MYO5B: variants seen among roughly 807,000 people sequenced by gnomAD.
MYO5B encodes unconventional myosin-Vb.
MYO5B carries 143 observed loss-of-function variants against 229.3 expected under a neutral mutation model. The observed-to-expected ratio is 0.62, with a 90% CI of 0.54 to 0.72. The LOEUF (loss-of-function observed/expected upper bound fraction) is 0.72. Among genes scored for constraint, MYO5B ranks in the 30% least tolerant of loss-of-function variants. MYO5B has a pLI of 0.00. For synonymous variants in MYO5B, 918 were observed against 885.2 expected (o/e 1.04, Z -0.66); for missense variants, 2,321 against 2,331.0 (o/e 1.00, Z 0.09).
At chr18:49,843,135 C>T in intron 34 of MYO5B, 106 bp downstream of exon 34, 1 of 1,434,728 alleles carries the variant, frequency 7.0e-7, no homozygotes. Context: ...AAGTTGGAGC[C>T]CTAGGAGCAT....
intron 14 of MYO5B, among the ~76,000 whole-genome samples, chr18:49,941,511 G>A (rs1333944301): frequency 6.6e-6 from 1 of 152,188 alleles, no homozygotes; most frequent in Non-Finnish European, 1.5e-5. Flanking sequence ...GAGATAAAGA[G>A]ACAAATCCCT....
intron 12 of MYO5B, among the ~76,000 whole-genome samples, chr18:49,959,678 C>T (rs192290743): frequency 6.6e-6 from 1 of 152,202 alleles, no homozygotes; most frequent in East Asian, 1.9e-4. Flanking sequence ...TGATACAGCG[C>T]CTGGGCTTCA....
chr18:50,147,081 G>A lies in MYO5B; in HGVS notation c.27+47686C>T, dbSNP rs113495238. Among the ~76,000 whole-genome samples, 1,148 of 152,196 alleles carry A rather than the reference G, an allele frequency of 7.5e-3. 16 individuals carry two copies. The highest frequency in any genetic ancestry group is 0.026 in the African/African-American group (1,089 of 41,510). ...TTTCCATTTCAACCTGATCCCTCATGAATCCCTAACCCTTATTTCCAGCCT... is the reference window on the plus strand; with the variant it reads ...TTTCCATTTCAACCTGATCCCTCATAAATCCCTAACCCTTATTTCCAGCCT... On this transcript the variant is annotated intron_variant, in intron 1 of 39. Transcript: ENST00000285039.
intron 14 of MYO5B, 55 bp from the exon 15 acceptor site, chr18:49,937,452 T>G: frequency 6.3e-7 from 1 of 1,591,566 alleles, no homozygotes; most frequent in Non-Finnish European, 8.6e-7. Flanking sequence ...ACCTTACATG[T>G]TTCCTCTCAA....
chr18:49,827,120 G>T (rs1179856558), intron 39 of MYO5B, among the ~76,000 whole-genome samples: 3 of 152,250 alleles, frequency 2.0e-5, no homozygotes, highest in African/African-American at 7.2e-5. Flanking sequence ...AAGCTACCTT[G>T]AAGTAGAAAC....
At chr18:49,938,860 C>G (rs1055132327) in intron 14 of MYO5B, among the ~76,000 whole-genome samples, 18 of 152,052 alleles carry the variant, frequency 1.2e-4, no homozygotes, top group African/African-American at 2.4e-5. Flanking sequence ...AAGGTTGAGC[C>G]CTGCCCCTCC....
At chr18:49,841,319 T>C (rs758365402) in intron 35 of MYO5B, 46 bp downstream of exon 35, 31 of 1,572,046 alleles carry the variant, frequency 2.0e-5, no homozygotes, top group Non-Finnish European at 2.4e-5. Context: ...TCAACCACAT[T>C]TGGATGAAGC....
At chr18:49,849,546 C>T in intron 32 of MYO5B, 21 bp downstream of exon 32, 2 of 1,560,140 alleles carry the variant, frequency 1.3e-6, no homozygotes, top group Non-Finnish European at 1.8e-6. Context: ...TCACAAAACA[C>T]ACTCACTCAC....
intron 1 of MYO5B, among the ~76,000 whole-genome samples, chr18:50,153,327 C>A (rs2032628879): frequency 6.6e-6 from 1 of 152,170 alleles, no homozygotes; most frequent in Non-Finnish European, 1.5e-5. Context: ...TAGGAAGGAT[C>A]CCCTGTGCAA....
intron 1 of MYO5B, among the ~76,000 whole-genome samples, chr18:50,129,818 C>T (rs890418441): frequency 7.2e-5 from 11 of 152,192 alleles, no homozygotes; most frequent in African/African-American, 2.4e-4. Flanking sequence ...GGGACTAGTA[C>T]AGGAGCCTCC....
At chr18:49,965,455 T>TCA (rs57101973) in intron 10 of MYO5B, among the ~76,000 whole-genome samples, 4,670 of 146,998 alleles carry the variant, frequency 0.032, 133 homozygotes, top group African/African-American at 0.078. Context: ...ACACTTCTTT[T>TCA]CACACACACA....
chr18:50,080,449 C>A (rs993395443), intron 1 of MYO5B, among the ~76,000 whole-genome samples: 4 of 152,140 alleles, frequency 2.6e-5, no homozygotes, highest in Admixed American at 6.5e-5. Flanking sequence ...TTTCAATGCT[C>A]TTGACATATG....
intron 26 of MYO5B, 95 bp from the exon 27 acceptor site, chr18:49,872,327 G>T: frequency 1.6e-6 from 2 of 1,222,060 alleles, no homozygotes; most frequent in Non-Finnish European, 1.2e-6. Context: ...CATCCTGCCT[G>T]TGCGTGAATA....
intron 1 of MYO5B, among the ~76,000 whole-genome samples, chr18:50,097,022 C>T (rs764133107): frequency 6.6e-6 from 1 of 152,240 alleles, no homozygotes; most frequent in Non-Finnish European, 1.5e-5. Context: ...GAAACCAACA[C>T]TGCAGCATGC....
intron 1 of MYO5B, among the ~76,000 whole-genome samples, chr18:50,135,174 A>G (rs983455794): frequency 6.6e-6 from 1 of 152,216 alleles, no homozygotes; most frequent in Non-Finnish European, 1.5e-5. Context: ...TATTCCTGAG[A>G]CCATCTCCCA....
At chr18:49,887,782 G>A (rs2144119295) in intron 22 of MYO5B, among the ~76,000 whole-genome samples, 1 of 152,262 alleles carries the variant, frequency 6.6e-6, no homozygotes, top group South Asian at 2.1e-4. Flanking sequence ...CCGAGTTCAA[G>A]CAATTCTCCT....
At chr18:49,968,283 GAA>G (rs1212784932) in intron 10 of MYO5B, among the ~76,000 whole-genome samples, 4 of 152,204 alleles carry the variant, frequency 2.6e-5, no homozygotes, top group Non-Finnish European at 5.9e-5. Context: ...AGCTGGGGAG[GAA>G]AAGAGTTTTT....
intron 1 of MYO5B, among the ~76,000 whole-genome samples, chr18:50,169,996 T>C (rs77291098): frequency 0.027 from 3,457 of 127,456 alleles, 968 homozygotes; most frequent in African/African-American, 0.097. Flanking sequence ...GTCGATGTCA[T>C]GGTAGTAGGG....
intron 1 of MYO5B, among the ~76,000 whole-genome samples, chr18:50,081,976 T>C (rs536718624): frequency 2.1e-4 from 32 of 152,374 alleles, no homozygotes; most frequent in Admixed American, 1.1e-3. Context: ...TTAACAAAAT[T>C]CTTTTCTAAA....
Sources: allele counts gnomAD v4.1 joint callset (sites outside exome capture counted in the v4.1 genomes callset), GRCh38; gene constraint gnomAD v4.1.1; transcripts MANE v1.5; gene names NCBI Gene and HGNC (gene_info 2026-07-23, HGNC 2026-07-21).